HIPK2: variants seen among roughly 807,000 people sequenced by gnomAD.
The protein encoded by HIPK2 is homeodomain interacting protein kinase 2, also known as homeodomain-interacting protein kinase 2.
In HIPK2, 27 loss-of-function variants were observed where a neutral mutation model predicts 113.7. That is an observed-to-expected ratio of 0.24 (90% confidence interval 0.17 to 0.33). The LOEUF is 0.33. Ranked by LOEUF, HIPK2 falls within the 10% of genes least tolerant of loss-of-function variation. HIPK2 has a pLI of 1.00. For missense variants in HIPK2, 1,257 were observed against 1,588.0 expected (o/e 0.79, Z 3.54); for synonymous variants, 631 against 642.2 (o/e 0.98, Z 0.26).
chr7:139,728,151 C>T (rs1795644928), intron 1 of HIPK2, among the ~76,000 whole-genome samples: 1 of 151,996 alleles, frequency 6.6e-6, no homozygotes, highest in South Asian at 2.1e-4. Context: ...CTATGTTGTC[C>T]AGGCTGGTCT....
chr7:139,592,182 A>G (rs1799050281), intron 12 of HIPK2, among the ~76,000 whole-genome samples: 1 of 152,206 alleles, frequency 6.6e-6, no homozygotes, highest in South Asian at 2.1e-4. Context: ...AACTGTTTTT[A>G]TATCTAAAAT....
chr7:139,703,511 G>A (rs1294585526), intron 2 of HIPK2, among the ~76,000 whole-genome samples: 2 of 151,948 alleles, frequency 1.3e-5, no homozygotes, highest in African/African-American at 4.8e-5. Flanking sequence ...CTCATGTTCT[G>A]GCCAAATAAA....
intron 2 of HIPK2, among the ~76,000 whole-genome samples, chr7:139,680,420 G>A (rs1036797290): frequency 3.9e-5 from 6 of 152,204 alleles, no homozygotes; most frequent in Non-Finnish European, 5.9e-5. Context: ...TTTTGGGATC[G>A]AACATTAAAT....
chr7:139,747,121 T>C (rs1796203363), intron 1 of HIPK2, among the ~76,000 whole-genome samples: 1 of 152,098 alleles, frequency 6.6e-6, no homozygotes, highest in Non-Finnish European at 1.5e-5. Flanking sequence ...TACTGCCCAG[T>C]TGGGGTTCCA....
chr7:139,719,931 A>G (rs1795358581), intron 1 of HIPK2, among the ~76,000 whole-genome samples: 1 of 152,090 alleles, frequency 6.6e-6, no homozygotes, highest in South Asian at 2.1e-4. Flanking sequence ...TAATCTTCCT[A>G]AAACATCTCT....
chr7:139,754,875 C>T (rs1353818110), intron 1 of HIPK2, among the ~76,000 whole-genome samples: 1 of 152,090 alleles, frequency 6.6e-6, no homozygotes, highest in East Asian at 1.9e-4. Context: ...GGTGATACGG[C>T]TTCTTGGAGA....
intron 2 of HIPK2, among the ~76,000 whole-genome samples, chr7:139,649,328 C>T (rs1283645410): frequency 2.6e-5 from 4 of 152,164 alleles, no homozygotes; most frequent in East Asian, 1.9e-4. Flanking sequence ...CCCAGAGCCC[C>T]GGTGCACACC....
intron 13 of HIPK2, among the ~76,000 whole-genome samples, chr7:139,579,754 C>T (rs2116514641): frequency 6.6e-6 from 1 of 152,168 alleles, no homozygotes; most frequent in African/African-American, 2.4e-5. Flanking sequence ...TGAGCTGCCG[C>T]AGTGGGGATG....
chr7:139,621,945 T>C (rs1323388921), intron 6 of HIPK2, among the ~76,000 whole-genome samples: 1 of 137,002 alleles, frequency 7.3e-6, no homozygotes, highest in Non-Finnish European at 1.6e-5. Context: ...AAAAAAAAAA[T>C]TAAAAGAAAA....
Position 139,564,247 on chromosome 7 carries a change from A to G in HIPK2, c.*8680T>C. On this transcript the variant is annotated 3_prime_UTR_variant, in exon 15 of 15. Coordinates refer to ENST00000406875, the MANE Select transcript of HIPK2 (RefSeq NM_022740.5). The stretch of plus-strand genomic sequence containing the variant: ...AGATATATGGAAAACCCAGCCAGCG[A>G]CCATGGGAATAGGGGTATATGGTCC... 1 of 271,276 alleles carries G rather than the reference A, an allele frequency of 3.7e-6. No homozygotes were observed. The highest frequency in any genetic ancestry group is 6.8e-6 in the Non-Finnish European group (1 of 146,280). The allele number at this position is 271,276 out of a possible 1,614,324, so 16.8% of individuals were successfully genotyped here.
intron 12 of HIPK2, among the ~76,000 whole-genome samples, chr7:139,595,111 G>C (rs1449087240): frequency 6.6e-6 from 1 of 152,194 alleles, no homozygotes; most frequent in Non-Finnish European, 1.5e-5. Context: ...TGTCAACTCA[G>C]ATCTCATACG....
chr7:139,722,130 G>T, intron 1 of HIPK2: 1 of 297,838 alleles, frequency 3.4e-6, no homozygotes. Context: ...CTACAGAAGT[G>T]ATAAGTAAAA....
At chr7:139,594,504 G>A (rs58983097) in intron 12 of HIPK2, among the ~76,000 whole-genome samples, 7,666 of 152,054 alleles carry the variant, frequency 0.05, 398 homozygotes, top group African/African-American at 0.13. Context: ...TGTGATCACA[G>A]TTACACAGTG....
chr7:139,701,730 T>C (rs1036743084), intron 2 of HIPK2, among the ~76,000 whole-genome samples: 2 of 152,214 alleles, frequency 1.3e-5, no homozygotes, highest in Non-Finnish European at 2.9e-5. Context: ...TGGATTATAC[T>C]AAACGCAAAT....
At chr7:139,662,818 C>T (rs897916209) in intron 2 of HIPK2, among the ~76,000 whole-genome samples, 4 of 152,040 alleles carry the variant, frequency 2.6e-5, no homozygotes, top group African/African-American at 9.7e-5. Context: ...TGGGGTTTCA[C>T]ATGCTGGCCA....
chr7:139,682,375 G>T (rs1240224390), intron 2 of HIPK2, among the ~76,000 whole-genome samples: 1 of 152,184 alleles, frequency 6.6e-6, no homozygotes, highest in Non-Finnish European at 1.5e-5. Flanking sequence ...AGCAGGGGTA[G>T]CCAGACCTGT....
intron 2 of HIPK2, among the ~76,000 whole-genome samples, chr7:139,652,141 G>T (rs972577554): frequency 8.5e-5 from 13 of 152,174 alleles, no homozygotes; most frequent in African/African-American, 3.1e-4. Context: ...GCCAAGCACT[G>T]GATCACTGCT....
At chr7:139,736,258 C>T (rs954280936) in intron 1 of HIPK2, among the ~76,000 whole-genome samples, 12 of 152,124 alleles carry the variant, frequency 7.9e-5, no homozygotes, top group Non-Finnish European at 1.5e-4. Flanking sequence ...AAAGGAACCA[C>T]GATAATGTGG....
At chr7:139,700,070 G>A (rs1198824724) in intron 2 of HIPK2, among the ~76,000 whole-genome samples, 2 of 152,206 alleles carry the variant, frequency 1.3e-5, no homozygotes, top group South Asian at 2.1e-4. Flanking sequence ...AATGGGACAG[G>A]AAAACAAATC....
Sources: allele counts gnomAD v4.1 joint callset (sites outside exome capture counted in the v4.1 genomes callset), GRCh38; gene constraint gnomAD v4.1.1; transcripts MANE v1.5; gene names NCBI Gene and HGNC (gene_info 2026-07-23, HGNC 2026-07-21).